The following PPARGC1A variants were observed in gnomAD, a reference collection of about 807,000 sequenced individuals.
PPARGC1A encodes the protein peroxisome proliferator-activated receptor gamma coactivator 1-alpha.
A neutral mutation model predicts 88.7 loss-of-function variants in PPARGC1A; 25 were observed. The ratio of observed to expected loss-of-function variants is 0.28; its 90% CI spans 0.21 to 0.39. PPARGC1A has a LOEUF of 0.39. Among genes scored for constraint, PPARGC1A ranks in the 10% least tolerant of loss-of-function variants. The pLI is 1.00. For missense variants in PPARGC1A, 880 were observed against 968.7 expected (o/e 0.91, Z 1.22); for synonymous variants, 363 against 355.6 (o/e 1.02, Z -0.24).
chr4:24,436,684 T>C, the PPARGC1A span, among the ~76,000 whole-genome samples: 2 of 141,030 alleles, frequency 1.4e-5, no homozygotes, highest in African/African-American at 5.5e-5. Context: ...CTGACATCGA[T>C]TGGCCACCCC....
chr4:24,194,727 T>G, the PPARGC1A span, among the ~76,000 whole-genome samples: 1 of 151,972 alleles, frequency 6.6e-6, no homozygotes, highest in Non-Finnish European at 1.5e-5. Flanking sequence ...TGGGTGCAGA[T>G]ATGTCTTAAA....
chr4:23,997,901 A>G, the PPARGC1A span, among the ~76,000 whole-genome samples: 2 of 152,204 alleles, frequency 1.3e-5, no homozygotes, highest in Non-Finnish European at 2.9e-5. Flanking sequence ...TCAGTGCCAT[A>G]AAGCTAATTT....
the PPARGC1A span, among the ~76,000 whole-genome samples, chr4:24,312,099 T>C: frequency 1.3e-5 from 2 of 152,204 alleles, no homozygotes; most frequent in South Asian, 2.1e-4. Context: ...ACAAGTTTTA[T>C]CACTAGACAT....
the PPARGC1A span, among the ~76,000 whole-genome samples, chr4:24,269,641 C>G: frequency 7.1e-6 from 1 of 140,900 alleles, no homozygotes; most frequent in Non-Finnish European, 1.6e-5. Context: ...CCATTAGCTG[C>G]CTTCATCATC....
chr4:24,448,180 G>A, the PPARGC1A span, among the ~76,000 whole-genome samples: 1 of 152,128 alleles, frequency 6.6e-6, no homozygotes, highest in Non-Finnish European at 1.5e-5. Context: ...ACACTTTACA[G>A]TAATCTAACT....
chr4:24,026,751 G>T, the PPARGC1A span, among the ~76,000 whole-genome samples: 15 of 152,104 alleles, frequency 9.9e-5, no homozygotes, highest in African/African-American at 3.4e-4. Flanking sequence ...TCTGCAGTTT[G>T]TCTAAGGAGC....
In PPARGC1A at chr4:23,831,660, A is replaced by T; in HGVS notation, c.326T>A (p.Phe109Tyr). 1 of 1,613,978 alleles carries T rather than the reference A, an allele frequency of 6.2e-7. No homozygotes were observed. The highest frequency in any genetic ancestry group is 8.5e-7 in the Non-Finnish European group (1 of 1,179,898). The change falls in exon 3 of 13, where the codon TTT becomes TAT. Residue 109 changes from phenylalanine (F) to tyrosine (Y), a missense_variant. Phe to Tyr is a conservative substitution (Grantham distance 22, BLOSUM62 3). Coordinates refer to ENST00000264867, the MANE Select transcript of PPARGC1A (RefSeq NM_013261.5). ...LPVDEDGLPS[F>Y]DALTDGDVTT... is the part of the protein sequence containing the mutation. ...CACGTCTCCATCTGTCAGCGCATCA[A>T]ATGAGGGCAATCCGTCTTCATCCAC...
At chr4:24,432,395 G>A in the PPARGC1A span, among the ~76,000 whole-genome samples, 3 of 152,170 alleles carry the variant, frequency 2.0e-5, no homozygotes, top group Non-Finnish European at 4.4e-5. Flanking sequence ...TGGATGTGCT[G>A]CCATCAGGGA....
At chr4:24,425,650 T>C in the PPARGC1A span, among the ~76,000 whole-genome samples, 1 of 152,176 alleles carries the variant, frequency 6.6e-6, no homozygotes, top group Non-Finnish European at 1.5e-5. Flanking sequence ...TTAAAAGTAA[T>C]AAATCAACAT....
At chr4:23,896,146 G>GA (rs1718575510) in intron 1 of PPARGC1A, among the ~76,000 whole-genome samples, 1 of 151,946 alleles carries the variant, frequency 6.6e-6, no homozygotes, top group Non-Finnish European at 1.5e-5. Context: ...TATATCCTCA[G>GA]AAAGAAGAAG....
chr4:23,995,663 GCA>G, the PPARGC1A span, among the ~76,000 whole-genome samples: 1 of 151,988 alleles, frequency 6.6e-6, no homozygotes, highest in East Asian at 1.9e-4. Flanking sequence ...CTCCTCCATT[GCA>G]CAAAGTTCTC....
the PPARGC1A span, among the ~76,000 whole-genome samples, chr4:24,194,134 A>AC: frequency 3.3e-5 from 5 of 151,584 alleles, no homozygotes; most frequent in African/African-American, 1.2e-4. Flanking sequence ...CATCTCAAAA[A>AC]AAAAAAAAAA....
chr4:24,086,121 T>C, the PPARGC1A span, among the ~76,000 whole-genome samples: 1 of 152,218 alleles, frequency 6.6e-6, no homozygotes, highest in African/African-American at 2.4e-5. Context: ...CCTCCTGATG[T>C]ATGACTCATA....
rs555112241 is a variant in PPARGC1A, at chr4:23,855,239, A to C, written c.235-23488T>G. Among the ~76,000 whole-genome samples the C allele has an allele frequency of 2.6e-5, 4 of 152,276 alleles. No homozygotes were observed. The South Asian group carries it at 8.3e-4, about 32-fold the overall frequency. Reference sequence around the variant, plus strand: ...ACCTCTTTTTCTTTGTAAATCACCCAGTCTCAGGTATGTCTTTAGCAGCAG... The same window carrying C: ...ACCTCTTTTTCTTTGTAAATCACCCCGTCTCAGGTATGTCTTTAGCAGCAG... On this transcript the variant is annotated intron_variant, in intron 2 of 12. Transcript: ENST00000264867.
the PPARGC1A span, among the ~76,000 whole-genome samples, chr4:24,358,786 T>C: frequency 6.6e-6 from 1 of 152,196 alleles, no homozygotes; most frequent in Admixed American, 6.5e-5. Flanking sequence ...CTGCATAATG[T>C]GAAGATGACC....
the PPARGC1A span, among the ~76,000 whole-genome samples, chr4:24,165,371 C>A: frequency 4.6e-5 from 7 of 152,144 alleles, no homozygotes; most frequent in South Asian, 1.2e-3. Flanking sequence ...AATTTACAAA[C>A]GTTTTTCAAA....
chr4:23,920,914 T>A, the PPARGC1A span, among the ~76,000 whole-genome samples: 1 of 152,126 alleles, frequency 6.6e-6, no homozygotes, highest in African/African-American at 2.4e-5. Flanking sequence ...AACTCCCATC[T>A]CTGCTGAGGA....
chr4:24,032,194 T>C, the PPARGC1A span, among the ~76,000 whole-genome samples: 1 of 152,232 alleles, frequency 6.6e-6, no homozygotes, highest in African/African-American at 2.4e-5. Context: ...AAGGACCTTT[T>C]TGCATTTTCT....
chr4:23,828,883 TA>T lies in PPARGC1A; in HGVS notation c.553-280del, dbSNP rs571674696. Among the ~76,000 whole-genome samples, 392 of 152,152 alleles carry T rather than the reference TA, an allele frequency of 2.6e-3. 5 individuals carry two copies. Among genetic ancestry groups the T allele is most frequent in the Admixed American group, 7.2e-3 (110 of 15,276 alleles). On this transcript the variant is annotated intron_variant, in intron 4 of 12. Coordinates refer to ENST00000264867, the MANE Select transcript of PPARGC1A (RefSeq NM_013261.5). ...GACCCTACAGCGCCTTTATTGTGAATAAAAAAAATCGGCTGGCTTAAACCTT... is the reference window on the plus strand; with the variant it reads ...GACCCTACAGCGCCTTTATTGTGAATAAAAAAATCGGCTGGCTTAAACCTT...
Sources: gnomAD v4.1 joint callset for allele counts (sites outside exome capture counted in the v4.1 genomes callset) on GRCh38, gnomAD v4.1.1 for gene constraint, MANE v1.5 for transcripts, NCBI Gene and HGNC (gene_info 2026-07-23, HGNC 2026-07-21) for gene names.